Variants in ARHGAP8 observed in about 807,000 individuals in gnomAD.
ARHGAP8 encodes rho GTPase-activating protein 8.
In ARHGAP8, 62 loss-of-function variants were observed where a neutral mutation model predicts 46.1. That is an observed-to-expected ratio of 1.34 (90% confidence interval 1.10 to 1.66). ARHGAP8 has a LOEUF of 1.66. Among genes scored for constraint, ARHGAP8 ranks in the 40% most tolerant of loss-of-function variants. ARHGAP8 has a pLI of 0.00. For missense variants in ARHGAP8, 923 were observed against 568.4 expected (o/e 1.62, Z -6.34); for synonymous variants, 375 against 243.1 (o/e 1.54, Z -5.05).
In ARHGAP8 at chr22:44,822,332, G is replaced by A. The variant is rs776309528; in HGVS notation, c.387-39G>A. 15 of 1,555,782 alleles carry A rather than the reference G, an allele frequency of 9.6e-6. No homozygotes were observed. The Admixed American group carries it at 1.0e-4, about 11-fold the overall frequency. On this transcript the variant is annotated intron_variant, in intron 5 of 11. Coordinates refer to ENST00000356099, the MANE Select transcript of ARHGAP8 (RefSeq NM_181335.3). The stretch of plus-strand genomic sequence containing the variant: ...TGCAACCCTCGGCCTCTCTGCTGGC[G>A]CCTAATCGTTCTTTATTCTCTTGCT...
chr22:44,829,118 C>CAAAAAAAAAAAAAAA (rs57906111), intron 7 of ARHGAP8, among the ~76,000 whole-genome samples: 3 of 49,360 alleles, frequency 6.1e-5, no homozygotes, highest in African/African-American at 1.8e-4. Flanking sequence ...ACTAAAAATA[C>CAAAAAAAAAAAAAAA]AAAAAAAAAA....
rs751712087 is a variant in ARHGAP8, at chr22:44,861,722, C to T, written c.982-553C>T. On this transcript the variant is annotated intron_variant, in intron 11 of 11. Transcript: ENST00000356099. ...GCTGGCCACATGACCTTGGGCAAGT[C>T]TCCTGTACCTTCCAGGCCCCAGATT... Among the ~76,000 whole-genome samples the T allele has an allele frequency of 1.3e-3, 192 of 152,274 alleles. 2 individuals are homozygous for T. The highest frequency in any genetic ancestry group is 3.4e-3 in the Middle Eastern group (1 of 294).
At chr22:44,861,670 G>A (rs931793896) in intron 11 of ARHGAP8, among the ~76,000 whole-genome samples, 7 of 152,264 alleles carry the variant, frequency 4.6e-5, no homozygotes, top group South Asian at 2.1e-4. Flanking sequence ...CTGCCCTCAC[G>A]TTGGTCCACA....
intron 1 of ARHGAP8, among the ~76,000 whole-genome samples, chr22:44,760,975 G>A (rs1444683935): frequency 6.6e-6 from 1 of 152,184 alleles, no homozygotes; most frequent in Admixed American, 6.5e-5. Flanking sequence ...GCAGGCTTTG[G>A]GGGATGGAGC....
At chr22:44,753,478 C>T (rs1924414348) in intron 1 of ARHGAP8, among the ~76,000 whole-genome samples, 1 of 152,050 alleles carries the variant, frequency 6.6e-6, no homozygotes. Flanking sequence ...TCCTGGGCCT[C>T]CCAAAGTGCT....
intron 1 of ARHGAP8, among the ~76,000 whole-genome samples, chr22:44,759,260 T>C (rs1237392777): frequency 6.6e-6 from 1 of 152,094 alleles, no homozygotes; most frequent in Non-Finnish European, 1.5e-5. Context: ...ATGGCCCTGC[T>C]GTCAGGGCAC....
intron 7 of ARHGAP8, among the ~76,000 whole-genome samples, chr22:44,838,875 A>T (rs4823261): frequency 6.6e-6 from 1 of 151,566 alleles, no homozygotes; most frequent in Non-Finnish European, 1.5e-5. Context: ...CGTCAGTGCC[A>T]TTGGCTTGTA....
At chr22:44,844,131 C>T (rs568039691) in intron 7 of ARHGAP8, among the ~76,000 whole-genome samples, 4 of 152,222 alleles carry the variant, frequency 2.6e-5, no homozygotes, top group African/African-American at 7.2e-5. Flanking sequence ...ATCACCACGC[C>T]TGGCTAATTT....
At chr22:44,859,940 C>A in intron 11 of ARHGAP8, 106 bp downstream of exon 11, 1 of 1,323,998 alleles carries the variant, frequency 7.6e-7, no homozygotes, top group East Asian at 2.4e-5. Context: ...GGGTCATGCC[C>A]TGCTTGGGCC....
chr22:44,776,013 C>T (rs1001155873), intron 1 of ARHGAP8, among the ~76,000 whole-genome samples: 4 of 152,130 alleles, frequency 2.6e-5, no homozygotes, highest in Non-Finnish European at 4.4e-5. Flanking sequence ...CCTCCTCTCC[C>T]AGGTAAGTCA....
chr22:44,808,432 A>G lies in ARHGAP8; in HGVS notation c.293A>G (p.Asp98Gly). The change falls in exon 4 of 12, where the codon GAT (aspartate) becomes GGT (glycine). Residue 98 changes from aspartate to glycine, a missense_variant. Asp to Gly is a moderately conservative substitution (Grantham distance 94, BLOSUM62 -1). Transcript: ENST00000356099. The stretch of plus-strand genomic sequence containing the variant: ...CTCCAGAGCGCATACAAGGAGTTCG[A>G]TAGGAAGTACGTGCCCGCAAGCCTT... ...GWLQSAYKEF[D>G]RKYKKNLKAL... is the part of the protein sequence containing the mutation. 2.5e-6 allele frequency: 4 copies of G among 1,614,034 alleles called. No homozygotes were observed. Among genetic ancestry groups the G allele is most frequent in the Non-Finnish European group, 3.4e-6 (4 of 1,179,988 alleles).
At chr22:44,816,554 A>G (rs1414901596) in intron 5 of ARHGAP8, among the ~76,000 whole-genome samples, 1 of 152,118 alleles carries the variant, frequency 6.6e-6, no homozygotes, top group Non-Finnish European at 1.5e-5. Flanking sequence ...GGCTCATGCT[A>G]CTAATCATAG....
chr22:44,860,162 G>A (rs1488977607), intron 11 of ARHGAP8, among the ~76,000 whole-genome samples: 1 of 152,174 alleles, frequency 6.6e-6, no homozygotes, highest in African/African-American at 2.4e-5. Flanking sequence ...GGAGGTGGGA[G>A]CTGTGTCCAC....
intron 8 of ARHGAP8, among the ~76,000 whole-genome samples, chr22:44,846,817 G>A (rs2069968697): frequency 6.6e-6 from 1 of 152,108 alleles, no homozygotes; most frequent in East Asian, 1.9e-4. Context: ...TCCACCGAGA[G>A]CTGCCCAGAT....
At chr22:44,862,140 C>A in intron 11 of ARHGAP8, 135 bp from the exon 12 acceptor site, 1 of 1,074,914 alleles carries the variant, frequency 9.3e-7, no homozygotes. Flanking sequence ...CACAGGGTCC[C>A]CATTACTGGC....
At chr22:44,852,959 C>A (rs761414676) in intron 10 of ARHGAP8, among the ~76,000 whole-genome samples, 2 of 152,144 alleles carry the variant, frequency 1.3e-5, no homozygotes, top group African/African-American at 4.8e-5. Context: ...CGTGTCACCA[C>A]GCCTGGCTAA....
At chr22:44,825,624 T>C in intron 7 of ARHGAP8, 31 bp downstream of exon 7, 2 of 1,595,910 alleles carry the variant, frequency 1.3e-6, no homozygotes, top group Middle Eastern at 1.7e-4. Context: ...CCTGCTCCTA[T>C]GCCCTGGAGC....
At chr22:44,803,848 G>T (rs1036536959) in intron 3 of ARHGAP8, among the ~76,000 whole-genome samples, 2 of 141,212 alleles carry the variant, frequency 1.4e-5, no homozygotes, top group East Asian at 4.3e-4. Flanking sequence ...TTGTGCACAC[G>T]CTTCTCCATC....
chr22:44,833,096 C>CTTT (rs533794156), intron 7 of ARHGAP8, among the ~76,000 whole-genome samples: 4 of 120,432 alleles, frequency 3.3e-5, no homozygotes, highest in South Asian at 2.8e-4. Flanking sequence ...CTTTTCTTTT[C>CTTT]TTTTTTTTTT....
Sources: allele counts gnomAD v4.1 joint callset (sites outside exome capture counted in the v4.1 genomes callset), GRCh38; gene constraint gnomAD v4.1.1; transcripts MANE v1.5; gene names NCBI Gene and HGNC (gene_info 2026-07-23, HGNC 2026-07-21).